Variants in SYNE3 observed in about 807,000 individuals in gnomAD.
SYNE3 encodes the protein spectrin repeat containing nuclear envelope family member 3.
Under a neutral mutation model 111.2 loss-of-function variants are expected in SYNE3, and 100 were observed. The observed-to-expected ratio is 0.90, with a 90% CI of 0.77 to 1.06. The LOEUF (loss-of-function observed/expected upper bound fraction) is 1.06, where lower values mean the gene tolerates loss of function less well. Among genes scored for constraint, SYNE3 ranks in the 50% least tolerant of loss-of-function variants. The probability of loss-of-function intolerance (pLI) is 0.00; values close to 1 mark genes in which losing one functional copy is unlikely to be tolerated. For missense variants in SYNE3, 1,160 were observed against 1,240.3 expected, an observed-to-expected ratio of 0.94 and a Z score of 0.97; for synonymous variants, 547 against 533.9, an observed-to-expected ratio of 1.02 and a Z score of -0.34.
Position 95,434,679 on chromosome 14 carries a change from CAG to C in SYNE3, c.2539-1272_2539-1271del, listed in dbSNP as rs1271470931. Among the ~76,000 whole-genome samples the C allele has an allele frequency of 4.3e-4, 65 of 152,078 alleles. 1 individual carries two copies. Among genetic ancestry groups the C allele is most frequent in the Admixed American group, 6.5e-5 (1 of 15,268 alleles). On this transcript the variant is annotated intron_variant, in intron 15 of 17. Coordinates refer to ENST00000682763, the MANE Select transcript of SYNE3 (RefSeq NM_152592.6). The stretch of plus-strand genomic sequence containing the variant: ...CTAAATCTTTTTTTTCTTTTTGAGA[CAG>C]AGTTTCGCTCTTGTTGCCCAGGCTG...
At chr14:95,446,885 C>G (rs909329441) in intron 8 of SYNE3, among the ~76,000 whole-genome samples, 7 of 152,202 alleles carry the variant, frequency 4.6e-5, no homozygotes, top group Non-Finnish European at 1.0e-4. Flanking sequence ...GAGCCTGAAC[C>G]AAGCCTCCGA....
chr14:95,447,326 C>T (rs543428312), intron 8 of SYNE3, among the ~76,000 whole-genome samples: 2 of 152,094 alleles, frequency 1.3e-5, no homozygotes, highest in East Asian at 1.9e-4. Flanking sequence ...TTAGTAGAGA[C>T]GGGGTTTCAC....
intron 1 of SYNE3, chr14:95,516,231 C>T (rs1004329020): frequency 1.3e-5 from 2 of 152,298 alleles, no homozygotes; most frequent in African/African-American, 4.8e-5. Context: ...GTCAGCCCGC[C>T]CCTAGGGGAG....
Position 95,450,175 on chromosome 14 carries a change from G to A in SYNE3, c.1275-70C>T, listed in dbSNP as rs1886987697. ...GGTTCAGTCCAGGGATGAGGCCTCCGCCAAGACCCTCAAGAGGCCCAGCAT... is the reference window on the plus strand; with the variant it reads ...GGTTCAGTCCAGGGATGAGGCCTCCACCAAGACCCTCAAGAGGCCCAGCAT... On this transcript the variant is annotated intron_variant, in intron 7 of 17. Transcript: ENST00000682763. The A allele has an allele frequency of 5.3e-6, 8 of 1,499,826 alleles. No individual in the cohort carries two copies. In the East Asian group the frequency reaches 1.5e-4, roughly 28 times the overall value. 92.9% of individuals were successfully genotyped at this position (1,499,826 alleles called of 1,614,324 possible). A position where few individuals can be genotyped will look rare whatever the true frequency, so the allele number is the denominator to read the frequency against.
At chr14:95,422,752 C>A (rs960282149) in intron 17 of SYNE3, among the ~76,000 whole-genome samples, 3 of 152,210 alleles carry the variant, frequency 2.0e-5, no homozygotes, top group African/African-American at 7.2e-5. Flanking sequence ...TGCGCCCGCC[C>A]CACTGCCTCT....
intron 2 of SYNE3, among the ~76,000 whole-genome samples, chr14:95,469,522 A>C (rs1888390643): frequency 7.2e-6 from 1 of 139,502 alleles, no homozygotes; most frequent in Non-Finnish European, 1.5e-5. Context: ...CAGTGAGACC[A>C]TGTCTCTACA....
chr14:95,423,299 C>T (rs965240876), intron 17 of SYNE3, among the ~76,000 whole-genome samples: 2 of 152,124 alleles, frequency 1.3e-5, no homozygotes, highest in African/African-American at 2.4e-5. Context: ...CATCCAGGAG[C>T]GGATGTATGA....
In SYNE3 at chr14:95,409,758, A is replaced by G. The variant is rs909214365; in HGVS notation, c.*8068T>C. ...ACACAGAAGCTAAGGGAGAAACGAC[A>G]GCTGGTTTTAAGTCCTCTTTGACTC... On this transcript the variant is annotated 3_prime_UTR_variant, in exon 18 of 18. Coordinates refer to ENST00000682763, the MANE Select transcript of SYNE3 (RefSeq NM_152592.6). 1 of 251,490 alleles carries G rather than the reference A, an allele frequency of 4.0e-6. No homozygotes were observed. The highest frequency in any genetic ancestry group is 2.2e-5 in the African/African-American group (1 of 44,580). The allele number at this position is 251,490 out of a possible 1,614,324, so 15.6% of individuals were successfully genotyped here. A position where few individuals can be genotyped will look rare whatever the true frequency, so the allele number is the denominator to read the frequency against.
Position 95,433,376 on chromosome 14 carries a change from G to A in SYNE3, c.2572C>T (p.Leu858Phe). The stretch of plus-strand genomic sequence containing the variant: ...CCGAGACGAAGGAGGTTCTCAAAGA[G>A]ATGCTGACCTTCTGGCACCCGAGCC... The part of the protein sequence containing the change: ...LEARVPEGQH[L>F]FENLLRLGPA... The change falls in exon 16 of 18, where the codon CTC becomes TTC. Residue 858 changes from leucine (L) to phenylalanine (F), a missense_variant. Leu to Phe is a conservative substitution (Grantham distance 22). Transcript: ENST00000682763. 1 of 1,614,176 alleles carries A rather than the reference G, an allele frequency of 6.2e-7. No individual in the cohort carries two copies. Among genetic ancestry groups the A allele is most frequent in the South Asian group, 1.1e-5 (1 of 91,078 alleles).
At chr14:95,460,367 G>GT (rs548346693) in intron 4 of SYNE3, among the ~76,000 whole-genome samples, 3,781 of 85,118 alleles carry the variant, frequency 0.044, 102 homozygotes, top group Middle Eastern at 0.05. Context: ...ACGATGCCTA[G>GT]TTTTTTTTTT....
Position 95,468,118 on chromosome 14 carries a change from T to A in SYNE3, c.145-151A>T, listed in dbSNP as rs1286640401. On this transcript the variant is annotated intron_variant, in intron 2 of 17. Coordinates refer to ENST00000682763, the MANE Select transcript of SYNE3 (RefSeq NM_152592.6). ...AGCCCCTGCACCCCTTCTTGTGGGG[T>A]CTTGGGCAACCTGCTACTAGCTCTG... The A allele has an allele frequency of 5.3e-6, 5 of 935,178 alleles. No individual in the cohort carries two copies. The East Asian group carries it at 1.1e-4, about 20-fold the overall frequency. 57.9% of individuals were successfully genotyped at this position (935,178 alleles called of 1,614,324 possible).
intron 10 of SYNE3, 105 bp downstream of exon 10, chr14:95,444,380 C>T (rs374579596): frequency 2.5e-5 from 36 of 1,452,058 alleles, no homozygotes; most frequent in East Asian, 2.4e-4. Flanking sequence ...AAATTTCTGG[C>T]TCACGGCAGC....
intron 17 of SYNE3, chr14:95,429,881 AT>A: frequency 1.0e-6 from 1 of 963,934 alleles, no homozygotes; most frequent in Non-Finnish European, 1.2e-6. Flanking sequence ...CTCTGGTCCC[AT>A]CCCCCTCTCT....
chr14:95,502,293 C>T (rs1890367480), intron 1 of SYNE3, among the ~76,000 whole-genome samples: 1 of 147,650 alleles, frequency 6.8e-6, no homozygotes, highest in Admixed American at 6.7e-5. Flanking sequence ...CTTCCAGCCA[C>T]TCACAGGGGC....
At chr14:95,425,093 C>T (rs145483048) in intron 17 of SYNE3, among the ~76,000 whole-genome samples, 1 of 151,954 alleles carries the variant, frequency 6.6e-6, no homozygotes. Flanking sequence ...TACAAAAAAA[C>T]AAATTAGCCT....
chr14:95,475,791 TGTCAAAGTC>T lies in SYNE3; in HGVS notation c.22_30del (p.Asp8_Asp10del). The stretch of plus-strand genomic sequence containing the variant: ...CATGCCTGGGCATCCTCCACGCTCC[TGTCAAAGTC>T]GTCCTGGGGCTGCTGAGTCATGGCA... On this transcript the variant is annotated inframe_deletion, in exon 2 of 18. Coordinates refer to ENST00000682763, the MANE Select transcript of SYNE3 (RefSeq NM_152592.6). The T allele has an allele frequency of 6.3e-7, 1 of 1,590,554 alleles. No homozygotes were observed. The highest frequency in any genetic ancestry group is 8.5e-7 in the Non-Finnish European group (1 of 1,170,218).
intron 1 of SYNE3, among the ~76,000 whole-genome samples, chr14:95,505,991 T>G (rs1890512642): frequency 6.6e-6 from 1 of 152,190 alleles, no homozygotes; most frequent in Admixed American, 6.5e-5. Flanking sequence ...TAGAGATCTC[T>G]CTAACTCATT....
In SYNE3 at chr14:95,455,440, G is replaced by T; in HGVS notation, c.1074C>A (p.Gly358=). ...RMVLQRLAQE[G]LQPAAKAGTE... Reference sequence around the variant, plus strand: ...TCCCCGCTTTCGCCGCAGGCTGCAGGCCCTCCTGGGCCAGCCTCTGCAGGA... The same window carrying T: ...TCCCCGCTTTCGCCGCAGGCTGCAGTCCCTCCTGGGCCAGCCTCTGCAGGA... The change falls in exon 6 of 18, where the codon GGC becomes GGA. Residue 358 remains glycine (G), a synonymous_variant. Transcript: ENST00000682763. 1 of 1,596,842 alleles carries T rather than the reference G, an allele frequency of 6.3e-7. No individual in the cohort carries two copies. Among genetic ancestry groups the T allele is most frequent in the Non-Finnish European group, 8.5e-7 (1 of 1,172,134 alleles).
intron 1 of SYNE3, among the ~76,000 whole-genome samples, chr14:95,510,848 G>C (rs1459846785): frequency 1.3e-5 from 2 of 152,182 alleles, no homozygotes; most frequent in East Asian, 3.9e-4. Context: ...ATGCACCACT[G>C]CCCATGCCAC....
Sources: gnomAD v4.1 joint callset for allele counts (sites outside exome capture counted in the v4.1 genomes callset) on GRCh38, gnomAD v4.1.1 for gene constraint, MANE v1.5 for transcripts, NCBI Gene and HGNC (gene_info 2026-07-23, HGNC 2026-07-21) for gene names.